Variants in DCC observed in about 807,000 individuals in gnomAD.
The protein encoded by DCC is netrin receptor DCC.
A neutral mutation model predicts 172.5 loss-of-function variants in DCC; 58 were observed. The observed-to-expected ratio is 0.34, with a 90% CI of 0.27 to 0.42. DCC has a LOEUF of 0.42. Among genes scored for constraint, DCC ranks in the 10% least tolerant of loss-of-function variants. DCC has a pLI of 1.00. For missense variants in DCC, 1,740 were observed against 1,791.0 expected (o/e 0.97, Z 0.51); for synonymous variants, 709 against 644.5 (o/e 1.10, Z -1.52).
chr18:53,177,840 G>A (rs2055131944), intron 8 of DCC, among the ~76,000 whole-genome samples: 1 of 152,166 alleles, frequency 6.6e-6, no homozygotes, highest in Non-Finnish European at 1.5e-5. Flanking sequence ...GGATAAGCGA[G>A]CCAGTCTCTG....
chr18:52,391,368 C>T (rs1986024629), intron 1 of DCC, among the ~76,000 whole-genome samples: 1 of 152,042 alleles, frequency 6.6e-6, no homozygotes, highest in Non-Finnish European at 1.5e-5. Context: ...TAGCTAGGCA[C>T]AAAAGAGAGA....
chr18:53,149,040 T>C lies in DCC; in HGVS notation c.1262-8316T>C, dbSNP rs1332800152. The stretch of plus-strand genomic sequence containing the variant: ...ACCACACCCGGCTAGTTTTTGTATT[T>C]TTAGTAGAGATGGGGTTTCACCATC... On this transcript the variant is annotated intron_variant, in intron 7 of 28. Coordinates refer to ENST00000442544, the MANE Select transcript of DCC (RefSeq NM_005215.4). Among the ~76,000 whole-genome samples the C allele has an allele frequency of 2.0e-5, 3 of 151,762 alleles. 1 individual carries two copies. The highest frequency in any genetic ancestry group is 7.3e-5 in the African/African-American group (3 of 41,268).
intron 3 of DCC, among the ~76,000 whole-genome samples, chr18:52,921,963 A>C (rs1242452099): frequency 6.6e-6 from 1 of 152,006 alleles, no homozygotes; most frequent in Non-Finnish European, 1.5e-5. Flanking sequence ...CAAGGCAACT[A>C]TTTGTAAATA....
At chr18:52,860,430 A>G (rs2039122742) in intron 2 of DCC, among the ~76,000 whole-genome samples, 1 of 152,210 alleles carries the variant, frequency 6.6e-6, no homozygotes, top group Non-Finnish European at 1.5e-5. Context: ...ATTAGTTTGG[A>G]CACTTGTAGC....
intron 1 of DCC, among the ~76,000 whole-genome samples, chr18:52,586,844 A>T (rs1221128708): frequency 6.6e-6 from 1 of 152,152 alleles, no homozygotes; most frequent in African/African-American, 2.4e-5. Context: ...GCCATTCCAA[A>T]ATTCTATCAG....
At chr18:52,957,330 A>T (rs2040761262) in intron 5 of DCC, among the ~76,000 whole-genome samples, 2 of 151,994 alleles carry the variant, frequency 1.3e-5, no homozygotes, top group Non-Finnish European at 2.9e-5. Flanking sequence ...AAAAATAGAC[A>T]TTTATAAATA....
intron 12 of DCC, among the ~76,000 whole-genome samples, chr18:53,297,753 C>T (rs1222716486): frequency 1.3e-5 from 2 of 152,134 alleles, no homozygotes; most frequent in Non-Finnish European, 2.9e-5. Flanking sequence ...AAAAGAATGC[C>T]TGAATGCTTT....
chr18:53,461,249 G>A (rs1289010523), intron 24 of DCC, among the ~76,000 whole-genome samples: 4 of 151,010 alleles, frequency 2.6e-5, no homozygotes, highest in Admixed American at 2.0e-4. Context: ...CACTCTGATG[G>A]TAGTTTCTTT....
intron 24 of DCC, among the ~76,000 whole-genome samples, chr18:53,459,971 C>T (rs892828576): frequency 6.1e-5 from 9 of 148,414 alleles, no homozygotes; most frequent in African/African-American, 2.2e-4. Context: ...AATCAACTGT[C>T]ATCCACATAC....
intron 1 of DCC, among the ~76,000 whole-genome samples, chr18:52,678,111 A>G (rs2035678719): frequency 6.6e-6 from 1 of 152,262 alleles, no homozygotes; most frequent in Middle Eastern, 3.4e-3. Flanking sequence ...ATTCTTGACT[A>G]TACTGATCAG....
chr18:52,710,501 T>C (rs1326037035), intron 1 of DCC, among the ~76,000 whole-genome samples: 1 of 152,354 alleles, frequency 6.6e-6, no homozygotes, highest in Non-Finnish European at 1.5e-5. Flanking sequence ...TGCATGTGCC[T>C]GTTGATGTGT....
intron 5 of DCC, among the ~76,000 whole-genome samples, chr18:52,962,876 G>A (rs868292135): frequency 1.4e-5 from 2 of 147,142 alleles, no homozygotes; most frequent in Non-Finnish European, 3.0e-5. Context: ...AACACTGCAT[G>A]TTCTCACTCA....
rs139227950 is a variant in DCC, at chr18:52,447,596, C to T, written c.91+106718C>T. Among the ~76,000 whole-genome samples the T allele has an allele frequency of 4.3e-3, 656 of 152,226 alleles. 4 individuals carry two copies. Among genetic ancestry groups the T allele is most frequent in the African/African-American group, 0.015 (625 of 41,534 alleles). On this transcript the variant is annotated intron_variant, in intron 1 of 28. Transcript: ENST00000442544. ...GTTCTCGAACTGCTATAAATAAATA[C>T]CTGAGACTGGGTAATTTATAAAGAA...
At chr18:52,958,179 G>T (rs1001553713) in intron 5 of DCC, among the ~76,000 whole-genome samples, 1 of 151,806 alleles carries the variant, frequency 6.6e-6, no homozygotes. Flanking sequence ...TTAAATTATA[G>T]TTTCTATTTC....
At chr18:53,128,424 T>C (rs928900700) in intron 7 of DCC, among the ~76,000 whole-genome samples, 2 of 152,066 alleles carry the variant, frequency 1.3e-5, no homozygotes, top group African/African-American at 2.4e-5. Flanking sequence ...TGCTGAGAGA[T>C]TTTACTCCTC....
chr18:53,404,973 G>A (rs956159179), intron 19 of DCC, among the ~76,000 whole-genome samples: 2 of 151,852 alleles, frequency 1.3e-5, no homozygotes, highest in Admixed American at 6.6e-5. Context: ...AAACAAAATT[G>A]TATTATCAAG....
At chr18:53,447,835 C>G (rs950599024) in intron 22 of DCC, among the ~76,000 whole-genome samples, 1 of 151,986 alleles carries the variant, frequency 6.6e-6, no homozygotes, top group African/African-American at 2.4e-5. Context: ...GGAGTTTTGA[C>G]CTTTCATTTT....
chr18:52,782,854 T>A (rs1273438002), intron 2 of DCC, among the ~76,000 whole-genome samples: 1 of 152,122 alleles, frequency 6.6e-6, no homozygotes, highest in Non-Finnish European at 1.5e-5. Flanking sequence ...ACTCTTCGTA[T>A]AAACATTTTA....
chr18:52,662,578 G>A (rs932218439), intron 1 of DCC, among the ~76,000 whole-genome samples: 6 of 138,946 alleles, frequency 4.3e-5, no homozygotes, highest in African/African-American at 1.6e-4. Context: ...AGGGAAGGAA[G>A]GAAGGAAGGA....
Sources: gnomAD v4.1 joint callset for allele counts (sites outside exome capture counted in the v4.1 genomes callset) on GRCh38, gnomAD v4.1.1 for gene constraint, MANE v1.5 for transcripts, NCBI Gene and HGNC (gene_info 2026-07-23, HGNC 2026-07-21) for gene names.